ZFYVE19: variants seen among roughly 807,000 people sequenced by gnomAD.
ZFYVE19 encodes the protein zinc finger FYVE-type containing 19.
ZFYVE19 carries 49 observed loss-of-function variants against 62.8 expected under a neutral mutation model. That is an observed-to-expected ratio of 0.78 (90% confidence interval 0.62 to 0.99). ZFYVE19 has a LOEUF of 0.99. ZFYVE19 is among the 50% of genes least tolerant of loss of function. The pLI is 0.00. For missense variants in ZFYVE19, 630 were observed against 601.9 expected, an observed-to-expected ratio of 1.05 and a Z score of -0.49; for synonymous variants, 242 against 234.3, an observed-to-expected ratio of 1.03 and a Z score of -0.30.
At chr15:40,811,148 A>G (rs1245809362) in intron 6 of ZFYVE19, 4 of 234,954 alleles carry the variant, frequency 1.7e-5, no homozygotes, top group Non-Finnish European at 3.4e-5. Context: ...TACTCAGTGA[A>G]TATTCTCTGC....
rs2141971514 is a variant in ZFYVE19, at chr15:40,807,689, C to T, written c.100C>T (p.Pro34Ser). ...FPALGRGGTV[P>S]VGVWGGAGQG... ...TGCTCTAGGTCGCGGCGGGACAGTGCCAGTGGGCGTGTGGGGCGGGGCAGG... is the reference window on the plus strand; with the variant it reads ...TGCTCTAGGTCGCGGCGGGACAGTGTCAGTGGGCGTGTGGGGCGGGGCAGG... Residue 34 changes from proline to serine, a missense_variant, in exon 1 of 11, where the codon CCA becomes TCA. Coordinates refer to ENST00000355341, the MANE Select transcript of ZFYVE19 (RefSeq NM_001077268.2). 1 of 1,573,570 alleles carries T rather than the reference C, an allele frequency of 6.4e-7. No individual in the cohort carries two copies.
In ZFYVE19 at chr15:40,810,601, G is replaced by A. The variant is rs924553865; in HGVS notation, c.718-48G>A. 5 of 1,549,758 alleles carry A rather than the reference G, an allele frequency of 3.2e-6. No homozygotes were observed. In the Admixed American group the frequency reaches 9.8e-5, roughly 30 times the overall value. ...TTAGCATCCATCCCTGACCTAGACT[G>A]CTTCTGGGCTACCCCTGCTCTCCAC... On this transcript the variant is annotated intron_variant, in intron 5 of 10. Transcript: ENST00000355341.
chr15:40,809,707 A>G (rs1890415956), intron 3 of ZFYVE19, 145 bp from the exon 4 acceptor site: 1 of 981,166 alleles, frequency 1.0e-6, no homozygotes. Flanking sequence ...CTGCAGGGTG[A>G]CATGAGTGAG....
intron 3 of ZFYVE19, 135 bp downstream of exon 3, chr15:40,809,593 C>A: frequency 8.6e-7 from 1 of 1,161,426 alleles, no homozygotes; most frequent in African/African-American, 1.5e-5. Context: ...CTCCTGACTG[C>A]CCTCTTGGGC....
intron 6 of ZFYVE19, chr15:40,811,011 C>T (rs375053801): frequency 2.3e-6 from 1 of 434,378 alleles, no homozygotes. Flanking sequence ...AGTTACTTGA[C>T]CTAAGTCTCA....
chr15:40,813,990 C>T lies in ZFYVE19; in HGVS notation c.1257C>T (p.Pro419=). The T allele has an allele frequency of 6.2e-7, 1 of 1,613,772 alleles. No homozygotes were observed. Residue 419 remains proline, a synonymous_variant, in exon 10 of 11, where the codon CCC becomes CCT. Coordinates refer to ENST00000355341, the MANE Select transcript of ZFYVE19 (RefSeq NM_001077268.2). ...PRPEAEEEEL[P]WCCICNEDAT... Reference sequence around the variant, plus strand: ...CTGAGGCTGAGGAAGAGGAGCTCCCCTGGTGCTGCATCTGCAATGAGGATG... The same window carrying T: ...CTGAGGCTGAGGAAGAGGAGCTCCCTTGGTGCTGCATCTGCAATGAGGATG...
In ZFYVE19 at chr15:40,807,744, A is replaced by G. The variant is rs1218885214; in HGVS notation, c.155A>G (p.Glu52Gly). 1 of 1,591,588 alleles carries G rather than the reference A, an allele frequency of 6.3e-7. No individual in the cohort carries two copies. The highest frequency in any genetic ancestry group is 1.1e-5 in the South Asian group (1 of 88,714). ...GQGREGRSWG[E>G]GPRGPGLGRR... ...GGAAGGGAAGGGCGGAGCTGGGGTGAGGGTCCAAGGGGCCCAGGACTTGGC... is the reference window on the plus strand; with the variant it reads ...GGAAGGGAAGGGCGGAGCTGGGGTGGGGGTCCAAGGGGCCCAGGACTTGGC... Residue 52 changes from glutamate to glycine, a missense_variant, in exon 1 of 11, where the codon GAG (glutamate) becomes GGG (glycine). Glu to Gly is a moderately conservative substitution (Grantham distance 98). Coordinates refer to ENST00000355341, the MANE Select transcript of ZFYVE19 (RefSeq NM_001077268.2).
chr15:40,813,838 C>G, intron 9 of ZFYVE19, 27 bp downstream of exon 9: 1 of 1,606,858 alleles, frequency 6.2e-7, no homozygotes, highest in Non-Finnish European at 8.5e-7. Flanking sequence ...ATGCAGACCC[C>G]CAGGCTCCCC....
chr15:40,809,794 G>A lies in ZFYVE19; in HGVS notation c.453-58G>A, dbSNP rs1310679882. The A allele has an allele frequency of 2.6e-6, 4 of 1,531,088 alleles. No individual in the cohort carries two copies. In the Admixed American group the frequency reaches 6.8e-5, roughly 26 times the overall value. The allele number at this position is 1,531,088 out of a possible 1,614,324, so 94.8% of individuals were successfully genotyped here. A position where few individuals can be genotyped will look rare whatever the true frequency, so the allele number is the denominator to read the frequency against. Reference sequence around the variant, plus strand: ...TGATTTGAATGGGAAACAGTGAGTGGGTGCCTTCACTCTTCCCCTCTGCCT... The same window carrying A: ...TGATTTGAATGGGAAACAGTGAGTGAGTGCCTTCACTCTTCCCCTCTGCCT... On this transcript the variant is annotated intron_variant, in intron 3 of 10. Coordinates refer to ENST00000355341, the MANE Select transcript of ZFYVE19 (RefSeq NM_001077268.2).
At chr15:40,811,111 T>C (rs751988569) in intron 6 of ZFYVE19, 4 of 296,852 alleles carry the variant, frequency 1.3e-5, no homozygotes, top group African/African-American at 6.5e-5. Flanking sequence ...CAATAAGTGC[T>C]TGGGAACATA....
chr15:40,814,320 G>T lies in ZFYVE19; in HGVS notation c.*94G>T, dbSNP rs769756524. On this transcript the variant is annotated 3_prime_UTR_variant, in exon 11 of 11. Coordinates refer to ENST00000355341, the MANE Select transcript of ZFYVE19 (RefSeq NM_001077268.2). ...GACGTCCGATGGGAGAGCTTGTCTG[G>T]CTCTACTGATGATGGATAGGCCCCT... The T allele has an allele frequency of 7.8e-6, 11 of 1,412,784 alleles. No individual in the cohort carries two copies. Among genetic ancestry groups the T allele is most frequent in the Non-Finnish European group, 9.8e-6 (10 of 1,023,232 alleles). The allele number at this position is 1,412,784 out of a possible 1,614,324, so 87.5% of individuals were successfully genotyped here. A position where few individuals can be genotyped will look rare whatever the true frequency, so the allele number is the denominator to read the frequency against.
intron 5 of ZFYVE19, 56 bp from the exon 6 acceptor site, chr15:40,810,593 C>G: frequency 1.3e-6 from 2 of 1,547,932 alleles, no homozygotes; most frequent in Non-Finnish European, 8.7e-7. Context: ...CCATCCCTGA[C>G]CTAGACTGCT....
chr15:40,813,711 A>G lies in ZFYVE19; in HGVS notation c.1111-2A>G, dbSNP rs780964755. 3.6e-5 allele frequency: 58 copies of G among 1,612,850 alleles called. No homozygotes were observed. The highest frequency in any genetic ancestry group is 1.7e-4 in the Middle Eastern group (1 of 5,962). On this transcript the variant is annotated splice_acceptor_variant, in intron 8 of 10. Transcript: ENST00000355341. LOFTEE classifies it high-confidence loss of function. ...AGTAGTACATCTTCACCCTGTCCGCAGCTCACTGAAGAAGCTTCCCTGGAT... is the reference window on the plus strand; with the variant it reads ...AGTAGTACATCTTCACCCTGTCCGCGGCTCACTGAAGAAGCTTCCCTGGAT...
At chr15:40,809,829 G>A in intron 3 of ZFYVE19, 23 bp from the exon 4 acceptor site, 1 of 1,611,606 alleles carries the variant, frequency 6.2e-7, no homozygotes, top group Non-Finnish European at 8.5e-7. Context: ...TTCTTCAAGA[G>A]CCTCTATCTC....
chr15:40,809,018 C>T (rs1890383452), intron 1 of ZFYVE19, 101 bp from the exon 2 acceptor site: 2 of 1,541,350 alleles, frequency 1.3e-6, no homozygotes, highest in Non-Finnish European at 1.8e-6. Flanking sequence ...AGCAGCTGGT[C>T]ATAACTTCAG....
Position 40,810,149 on chromosome 15 carries a change from C to T in ZFYVE19, c.650C>T (p.Thr217Ile), listed in dbSNP as rs200299585. 2.0e-5 allele frequency: 32 copies of T among 1,614,166 alleles called. No individual in the cohort carries two copies. Among genetic ancestry groups the T allele is most frequent in the Non-Finnish European group, 2.7e-5 (32 of 1,180,042 alleles). Residue 217 changes from threonine (T) to isoleucine (I), a missense_variant, in exon 5 of 11, where the codon ACC (threonine) becomes ATC (isoleucine). Coordinates refer to ENST00000355341, the MANE Select transcript of ZFYVE19 (RefSeq NM_001077268.2). The part of the protein sequence containing the change: ...KDERQGSIPS[T>I]QEMEARLAAL... ...GAACGTCAGGGTTCCATCCCTTCCA[C>T]CCAGGAAATGGAGGCACGACTTGCA...
rs747947640 is a variant in ZFYVE19, at chr15:40,810,705, G to A, written c.774G>A (p.Thr258=). 8 of 1,575,014 alleles carry A rather than the reference G, an allele frequency of 5.1e-6. No homozygotes were observed. The highest frequency in any genetic ancestry group is 1.9e-5 in the Admixed American group (1 of 53,858). The change falls in exon 6 of 11, where the codon ACG becomes ACA. Residue 258 remains threonine, a synonymous_variant. Coordinates refer to ENST00000355341, the MANE Select transcript of ZFYVE19 (RefSeq NM_001077268.2). ...CCCAGCAGACACAGGATCTGCTAAC[G>A]CAGCTGGCAGCTGAGGTGGCTATCG... ...TQAQQTQDLL[T]QLAAEVAIDE...
chr15:40,812,545 CAA>C (rs373468873), intron 6 of ZFYVE19, among the ~76,000 whole-genome samples, 152 bp from the exon 7 acceptor site: 11 of 46,602 alleles, frequency 2.4e-4, no homozygotes, highest in Admixed American at 5.4e-4. Flanking sequence ...GACTCCATCT[CAA>C]AAAAAAAAAA....
Position 40,812,922 on chromosome 15 carries a change from T to C in ZFYVE19, c.1030+20T>C, listed in dbSNP as rs1890542575. Reference sequence around the variant, plus strand: ...AGAGAGGTGAAGGCTGGGGAGCAGCTGCTCACTGGTATCCCTTGGTCAAGG... The same window carrying C: ...AGAGAGGTGAAGGCTGGGGAGCAGCCGCTCACTGGTATCCCTTGGTCAAGG... On this transcript the variant is annotated intron_variant, in intron 7 of 10. Coordinates refer to ENST00000355341, the MANE Select transcript of ZFYVE19 (RefSeq NM_001077268.2). 6.2e-7 allele frequency: 1 copy of C among 1,605,900 alleles called. No individual in the cohort carries two copies. Among genetic ancestry groups the C allele is most frequent in the African/African-American group, 1.3e-5 (1 of 74,860 alleles).
Sources: gnomAD v4.1 joint callset for allele counts (sites outside exome capture counted in the v4.1 genomes callset) on GRCh38, gnomAD v4.1.1 for gene constraint, MANE v1.5 for transcripts, NCBI Gene and HGNC (gene_info 2026-07-23, HGNC 2026-07-21) for gene names.